The following ITGA10 variants were observed in gnomAD, a reference collection of about 807,000 sequenced individuals.
The protein encoded by ITGA10 is integrin subunit alpha 10, also known as integrin alpha-10.
ITGA10 carries 105 observed loss-of-function variants against 145.2 expected under a neutral mutation model. The observed-to-expected ratio is 0.72, with a 90% CI of 0.62 to 0.85. ITGA10 has a LOEUF of 0.85. ITGA10 is among the 40% of genes least tolerant of loss of function. The pLI is 0.00. For synonymous variants in ITGA10, 506 were observed against 557.8 expected (o/e 0.91, Z 1.31); for missense variants, 1,317 against 1,444.5 (o/e 0.91, Z 1.43).
At chr1:145,904,245 G>T (rs782143865) in intron 6 of ITGA10, 45 bp from the exon 7 acceptor site, 42 of 1,593,044 alleles carry the variant, frequency 2.6e-5, no homozygotes, top group Non-Finnish European at 3.4e-5. Context: ...ATGTGAGATG[G>T]GGGGAGAGGA....
chr1:145,893,472 A>G (rs1347646959), intron 28 of ITGA10, 68 bp downstream of exon 28: 1 of 1,290,160 alleles, frequency 7.8e-7, no homozygotes, highest in Non-Finnish European at 1.1e-6. Context: ...GAAAAAGCCC[A>G]CGGGTGGCCC....
intron 1 of ITGA10, 149 bp downstream of exon 1, chr1:145,909,814 C>T: frequency 1.5e-6 from 1 of 669,164 alleles, no homozygotes; most frequent in Non-Finnish European, 2.7e-6. Context: ...TAAAAATGCA[C>T]AAGGACACAG....
rs781971116 is a variant in ITGA10, at chr1:145,900,995, T to C, written c.1588-2A>G. 23 of 1,613,966 alleles carry C rather than the reference T, an allele frequency of 1.4e-5. No individual in the cohort carries two copies. The highest frequency in any genetic ancestry group is 1.9e-5 in the Non-Finnish European group (22 of 1,179,996). On this transcript the variant is annotated splice_acceptor_variant, in intron 13 of 29. Transcript: ENST00000369304. LOFTEE classifies it high-confidence loss of function. The stretch of plus-strand genomic sequence containing the variant: ...TCCTTGGAGGGTCAGCAAGGACTGC[T>C]GGTGGAGGAGAGAAGATAGAAGATG...
chr1:145,897,195 T>A, intron 21 of ITGA10, 52 bp downstream of exon 21: 1 of 1,591,546 alleles, frequency 6.3e-7, no homozygotes, highest in African/African-American at 1.3e-5. Context: ...GACCCTCAGA[T>A]CCCAGCCTCT....
At chr1:145,899,417 C>A in intron 15 of ITGA10, 76 bp from the exon 16 acceptor site, 1 of 1,510,544 alleles carries the variant, frequency 6.6e-7, no homozygotes. Context: ...GTGTTTGCTT[C>A]CCCATGGTCA....
At position 145,900,925 on chromosome 1, in the gene ITGA10, G is replaced by A; in HGVS notation, c.1656C>T (p.Ala552=). The A allele has an allele frequency of 6.2e-7, 1 of 1,614,116 alleles. No individual in the cohort carries two copies. Residue 552 remains alanine (A), a synonymous_variant, in exon 14 of 30, where the codon GCC becomes GCT. Coordinates refer to ENST00000369304, the MANE Select transcript of ITGA10 (RefSeq NM_003637.5). ...GGTTCAGATCAGGAAGAGCTCCCATGGCAAAGCCAAACCGAGCATCCTGGG... is the reference window on the plus strand; with the variant it reads ...GGTTCAGATCAGGAAGAGCTCCCATAGCAAAGCCAAACCGAGCATCCTGGG... ...EPPQDARFGF[A]MGALPDLNQD...
chr1:145,910,045 T>G lies in ITGA10; in HGVS notation c.-31A>C. 6.3e-7 allele frequency: 1 copy of G among 1,578,458 alleles called. No homozygotes were observed. The highest frequency in any genetic ancestry group is 8.7e-7 in the Non-Finnish European group (1 of 1,148,294). Reference sequence around the variant, plus strand: ...ATCGGTTTCTGTCCAGTATGAGAAGTCCTCTGGCCTCTGTCCCTCTCCTTT... The same window carrying G: ...ATCGGTTTCTGTCCAGTATGAGAAGGCCTCTGGCCTCTGTCCCTCTCCTTT... On this transcript the variant is annotated 5_prime_UTR_variant, in exon 1 of 30. Coordinates refer to ENST00000369304, the MANE Select transcript of ITGA10 (RefSeq NM_003637.5).
Position 145,907,331 on chromosome 1 carries a change from T to C in ITGA10, c.164+23A>G, listed in dbSNP as rs782095026. ...TAGCACTACTGCAGTCCCAATCCCC[T>C]GGCACTCCGGTTTCTTCCTCACCAT... On this transcript the variant is annotated intron_variant, in intron 2 of 29. Coordinates refer to ENST00000369304, the MANE Select transcript of ITGA10 (RefSeq NM_003637.5). The C allele has an allele frequency of 3.1e-6, 5 of 1,614,144 alleles. No individual in the cohort carries two copies. The South Asian group carries it at 4.4e-5, about 14-fold the overall frequency.
At chr1:145,898,822 A>T in intron 17 of ITGA10, 114 bp downstream of exon 17, 3 of 1,263,224 alleles carry the variant, frequency 2.4e-6, no homozygotes, top group South Asian at 1.5e-5. Context: ...AGTCTGAATC[A>T]TCTCATTTTC....
In ITGA10 at chr1:145,895,837, AG is replaced by A; in HGVS notation, c.3034-127del. 3 of 1,028,006 alleles carry A rather than the reference AG, an allele frequency of 2.9e-6. No individual in the cohort carries two copies. The South Asian group carries it at 4.5e-5, about 15-fold the overall frequency. The allele number at this position is 1,028,006 out of a possible 1,614,324, so 63.7% of individuals were successfully genotyped here. The stretch of plus-strand genomic sequence containing the variant: ...TAATACCTTTTTCTTCTCTCTAATA[AG>A]CCACATGTGTAAAAAGAAAGCCCCC... On this transcript the variant is annotated intron_variant, in intron 25 of 29. Coordinates refer to ENST00000369304, the MANE Select transcript of ITGA10 (RefSeq NM_003637.5).
At chr1:145,897,377 G>A (rs782001322) in intron 20 of ITGA10, 38 bp from the exon 21 acceptor site, 1 of 1,607,636 alleles carries the variant, frequency 6.2e-7, no homozygotes, top group Non-Finnish European at 8.5e-7. Context: ...CTGGAGCTGG[G>A]GCTGCAACTG....
At position 145,897,803 on chromosome 1, in the gene ITGA10, T is replaced by G; in HGVS notation, c.2432+12A>C. 1 of 1,613,670 alleles carries G rather than the reference T, an allele frequency of 6.2e-7. No individual in the cohort carries two copies. Among genetic ancestry groups the G allele is most frequent in the Non-Finnish European group, 8.5e-7 (1 of 1,179,608 alleles). ...AGGTCACCCTGGTTTGCCTAGTACA[T>G]GTCCATCCAACCTGGAGCCTCTGAT... On this transcript the variant is annotated intron_variant, in intron 19 of 29. Transcript: ENST00000369304.
intron 10 of ITGA10, 80 bp downstream of exon 10, chr1:145,902,166 G>T (rs1056075210): frequency 1.3e-6 from 2 of 1,563,180 alleles, no homozygotes; most frequent in African/African-American, 1.4e-5. Context: ...CTGGTTAAAG[G>T]AGGAATCTGG....
intron 1 of ITGA10, 115 bp downstream of exon 1, chr1:145,909,848 C>A (rs1553752655): frequency 1.2e-6 from 1 of 847,330 alleles, no homozygotes; most frequent in Non-Finnish European, 2.0e-6. Flanking sequence ...AAATGTACAA[C>A]CAGTGTTCGC....
chr1:145,907,691 T>A (rs1444907069), intron 1 of ITGA10: 1 of 628,072 alleles, frequency 1.6e-6, no homozygotes, highest in Non-Finnish European at 2.0e-6. Context: ...GCCATGCTGA[T>A]GTACAGCTGT....
chr1:145,904,824 A>G lies in ITGA10; in HGVS notation c.482-13T>C, dbSNP rs74119688. 0.86 allele frequency: 1,383,768 copies of G among 1,612,524 alleles called. 594,836 individuals are homozygous for G. The highest frequency in any genetic ancestry group is 0.92 in the African/African-American group (69,264 of 74,976). On this transcript the variant is annotated splice_polypyrimidine_tract_variant and intron_variant, in intron 5 of 29. Transcript: ENST00000369304. The stretch of plus-strand genomic sequence containing the variant: ...TATGTTGGGCAGCCTAGAAGGAAGG[A>G]GAACACTGAGGTAGAGGACACTGAG...
chr1:145,901,124 G>A lies in ITGA10; in HGVS notation c.1587+11C>T. ...TGCAAGTCCAGGGCAGGGGGTCCCA[G>A]CAAGTCTCACCTGGCCTACCAGATA... On this transcript the variant is annotated intron_variant, in intron 13 of 29. Coordinates refer to ENST00000369304, the MANE Select transcript of ITGA10 (RefSeq NM_003637.5). The surrounding 1 kb of genome is among the most constrained non-coding windows in gnomAD (Gnocchi z 4.3). 1.9e-6 allele frequency: 3 copies of A among 1,613,732 alleles called. No individual in the cohort carries two copies. The highest frequency in any genetic ancestry group is 2.5e-6 in the Non-Finnish European group (3 of 1,179,870).
In ITGA10 at chr1:145,904,120, T is replaced by C; in HGVS notation, c.690A>G (p.Arg230=). Residue 230 remains arginine, a synonymous_variant, in exon 7 of 30, where the codon AGA becomes AGG. Coordinates refer to ENST00000369304, the MANE Select transcript of ITGA10 (RefSeq NM_003637.5). ...GDFRTKEEVV[R]AAKNLSRREG... Reference sequence around the variant, plus strand: ...CCCGCCGACTGAGGTTCTTTGCTGCTCTCACCACTTCTTCCTTCGTTCGGA... The same window carrying C: ...CCCGCCGACTGAGGTTCTTTGCTGCCCTCACCACTTCTTCCTTCGTTCGGA... 6.2e-7 allele frequency: 1 copy of C among 1,614,146 alleles called. No homozygotes were observed. Among genetic ancestry groups the C allele is most frequent in the Non-Finnish European group, 8.5e-7 (1 of 1,180,020 alleles).
intron 19 of ITGA10, 38 bp downstream of exon 19, chr1:145,897,777 C>T: frequency 6.2e-7 from 1 of 1,609,662 alleles, no homozygotes; most frequent in Non-Finnish European, 8.5e-7. Flanking sequence ...CAGTCTGTCT[C>T]AGGTCACCCT....
Sources: gnomAD v4.1 joint callset for allele counts on GRCh38, gnomAD v4.1.1 for gene constraint, Gnocchi (gnomAD v3.1) non-coding constraint, MANE v1.5 for transcripts, NCBI Gene and HGNC (gene_info 2026-07-23, HGNC 2026-07-21) for gene names.